Variants in GRID2 observed in about 807,000 individuals in gnomAD.
The protein encoded by GRID2 is glutamate ionotropic receptor delta type subunit 2.
A neutral mutation model predicts 114.8 loss-of-function variants in GRID2; 33 were observed. The observed-to-expected ratio is 0.29, with a 90% confidence interval of 0.22 to 0.38. The LOEUF is 0.38. Among genes scored for constraint, GRID2 ranks in the 10% least tolerant of loss-of-function variants. GRID2 has a pLI of 1.00. For missense variants in GRID2, 1,184 were observed against 1,257.7 expected, an observed-to-expected ratio of 0.94 and a Z score of 0.89; for synonymous variants, 505 against 449.9, an observed-to-expected ratio of 1.12 and a Z score of -1.55.
intron 1 of GRID2, among the ~76,000 whole-genome samples, chr4:92,451,461 A>G (rs1720921221): frequency 6.6e-6 from 1 of 152,210 alleles, no homozygotes; most frequent in African/African-American, 2.4e-5. Flanking sequence ...TTTTTATAGT[A>G]TATAAATCAC....
intron 2 of GRID2, among the ~76,000 whole-genome samples, chr4:92,851,590 T>G (rs550345575): frequency 4.6e-5 from 7 of 151,976 alleles, no homozygotes; most frequent in Non-Finnish European, 1.0e-4. Flanking sequence ...TAGGTAATGT[T>G]TAACATGCAA....
At chr4:93,374,354 A>G (rs1430007754) in intron 8 of GRID2, among the ~76,000 whole-genome samples, 1 of 152,166 alleles carries the variant, frequency 6.6e-6, no homozygotes, top group African/African-American at 2.4e-5. Flanking sequence ...ACAGTATCCC[A>G]GTTGTTTCAA....
intron 1 of GRID2, among the ~76,000 whole-genome samples, chr4:92,437,368 C>A (rs967973176): frequency 6.6e-6 from 1 of 152,310 alleles, no homozygotes; most frequent in Admixed American, 6.5e-5. Context: ...CAACCTCCCC[C>A]ACCCAGGTTC....
rs576891271 is a variant in GRID2 at position 93,549,564 on chromosome 4, A to G, written c.2193+34153A>G. Among the ~76,000 whole-genome samples the G allele has an allele frequency of 1.2e-4, 19 of 152,312 alleles. No homozygotes were observed. In the Middle Eastern group the frequency reaches 0.01, roughly 82 times the overall value. On this transcript the variant is annotated intron_variant, in intron 13 of 15. Coordinates refer to ENST00000282020, the MANE Select transcript of GRID2 (RefSeq NM_001510.4). Reference sequence around the variant, plus strand: ...AATGTTCAAAATTCAAATTCAAACTATCAGACTTTAAATATAAGTGTCCAA... The same window carrying G: ...AATGTTCAAAATTCAAATTCAAACTGTCAGACTTTAAATATAAGTGTCCAA...
At chr4:92,993,913 TTTCA>T (rs1755052690) in intron 2 of GRID2, among the ~76,000 whole-genome samples, 2 of 152,204 alleles carry the variant, frequency 1.3e-5, no homozygotes, top group African/African-American at 4.8e-5. Flanking sequence ...CCCAGGATTG[TTTCA>T]GTAAAGATCT....
intron 13 of GRID2, among the ~76,000 whole-genome samples, chr4:93,516,155 G>A (rs1037775194): frequency 5.3e-5 from 8 of 152,096 alleles, no homozygotes; most frequent in Non-Finnish European, 7.3e-5. Context: ...TGGAATGCAG[G>A]AATGAACGTC....
chr4:92,990,281 G>T (rs895035997), intron 2 of GRID2, among the ~76,000 whole-genome samples: 1 of 50,104 alleles, frequency 2.0e-5, no homozygotes. Context: ...ACGTAGATAT[G>T]TGTGTGTATA....
intron 1 of GRID2, among the ~76,000 whole-genome samples, chr4:92,506,460 A>T (rs1723975250): frequency 6.6e-6 from 1 of 152,002 alleles, no homozygotes; most frequent in African/African-American, 2.4e-5. Flanking sequence ...GAAAAGAAAT[A>T]TATAATAACA....
At chr4:92,614,150 T>TTA (rs1287649460) in intron 2 of GRID2, among the ~76,000 whole-genome samples, 4 of 151,634 alleles carry the variant, frequency 2.6e-5, no homozygotes, top group Admixed American at 6.6e-5. Context: ...CTAGCTGTAA[T>TTA]TACGTGTGCT....
chr4:93,604,386 G>T (rs1354108868), intron 13 of GRID2, among the ~76,000 whole-genome samples: 1 of 152,188 alleles, frequency 6.6e-6, no homozygotes, highest in Non-Finnish European at 1.5e-5. Context: ...GCAATCTTGT[G>T]ATGAAATTTG....
intron 3 of GRID2, among the ~76,000 whole-genome samples, chr4:93,105,352 T>C (rs1398129216): frequency 6.6e-6 from 1 of 152,188 alleles, no homozygotes; most frequent in African/African-American, 2.4e-5. Flanking sequence ...TTGCCATTGC[T>C]TTTGGTGTTT....
At chr4:92,583,338 G>A (rs1246520954) in intron 1 of GRID2, among the ~76,000 whole-genome samples, 1 of 128,296 alleles carries the variant, frequency 7.8e-6, no homozygotes, top group African/African-American at 2.9e-5. Context: ...CTCTAATTCA[G>A]AATAATATTT....
At chr4:93,504,625 C>T (rs1417886585) in intron 12 of GRID2, among the ~76,000 whole-genome samples, 2 of 151,872 alleles carry the variant, frequency 1.3e-5, no homozygotes. Flanking sequence ...TTGTGTATAC[C>T]TATGATAATT....
chr4:93,729,229 C>G (rs1357803311), intron 14 of GRID2, among the ~76,000 whole-genome samples: 2 of 151,386 alleles, frequency 1.3e-5, no homozygotes, highest in African/African-American at 4.9e-5. Context: ...TATCTGGGAG[C>G]TAAAGAAGAG....
intron 2 of GRID2, among the ~76,000 whole-genome samples, chr4:92,825,823 G>A (rs1741656551): frequency 6.6e-6 from 1 of 152,090 alleles, no homozygotes; most frequent in Non-Finnish European, 1.5e-5. Flanking sequence ...AAAGGAAACA[G>A]CCTTCATGTT....
At chr4:93,404,778 G>A (rs960219949) in intron 9 of GRID2, among the ~76,000 whole-genome samples, 4 of 152,086 alleles carry the variant, frequency 2.6e-5, no homozygotes, top group African/African-American at 9.7e-5. Flanking sequence ...GATTATCAAG[G>A]AATAGATAAG....
At chr4:93,521,287 A>G (rs771750740) in intron 13 of GRID2, among the ~76,000 whole-genome samples, 1 of 152,168 alleles carries the variant, frequency 6.6e-6, no homozygotes, top group Non-Finnish European at 1.5e-5. Context: ...ATTTAAGGCC[A>G]CAAGGCTGGA....
At chr4:92,684,771 G>T (rs993513337) in intron 2 of GRID2, among the ~76,000 whole-genome samples, 3 of 152,016 alleles carry the variant, frequency 2.0e-5, no homozygotes, top group Admixed American at 6.6e-5. Flanking sequence ...TGAAGCCAAG[G>T]AAATAAGGAT....
intron 14 of GRID2, among the ~76,000 whole-genome samples, chr4:93,737,139 GCC>G (rs1469760171): frequency 6.6e-6 from 1 of 151,994 alleles, no homozygotes; most frequent in Non-Finnish European, 1.5e-5. Context: ...TACATATGAT[GCC>G]ATAGTAAAAG....
Sources: allele counts gnomAD v4.1 joint callset (sites outside exome capture counted in the v4.1 genomes callset), GRCh38; gene constraint gnomAD v4.1.1; transcripts MANE v1.5; gene names NCBI Gene and HGNC (gene_info 2026-07-23, HGNC 2026-07-21).